The following TAF3 variants were observed in gnomAD, a reference collection of about 807,000 sequenced individuals.
TAF3 encodes transcription initiation factor TFIID subunit 3.
Under a neutral mutation model 80.6 loss-of-function variants are expected in TAF3, and 7 were observed. That is an observed-to-expected ratio of 0.09 (90% CI 0.05 to 0.16). TAF3 has a LOEUF of 0.16. TAF3 is among the 10% of genes least tolerant of loss of function. The pLI, the probability that TAF3 is intolerant of heterozygous loss-of-function variation, is 1.00. For synonymous variants in TAF3, 444 were observed against 446.1 expected (o/e 1.00, Z 0.06); for missense variants, 921 against 1,140.2 (o/e 0.81, Z 2.77).
intron 5 of TAF3, among the ~76,000 whole-genome samples, chr10:8,012,104 C>T (rs947157025): frequency 6.6e-5 from 10 of 152,006 alleles, no homozygotes; most frequent in Admixed American, 6.6e-5. Context: ...CTGAGCCTAC[C>T]GAGGTCAAGG....
intron 2 of TAF3, among the ~76,000 whole-genome samples, chr10:7,938,557 CA>C (rs1169612936): frequency 6.6e-6 from 1 of 150,930 alleles, no homozygotes; most frequent in Non-Finnish European, 1.5e-5. Context: ...GCCAGTCAGA[CA>C]AAAAAAAGAA....
chr10:7,859,083 A>G (rs946402928), intron 2 of TAF3, among the ~76,000 whole-genome samples: 3 of 152,052 alleles, frequency 2.0e-5, no homozygotes, highest in African/African-American at 4.8e-5. Context: ...TAACACGGTG[A>G]AACCCCGTCT....
chr10:8,004,716 T>C (rs1831975745), intron 4 of TAF3, among the ~76,000 whole-genome samples: 1 of 151,988 alleles, frequency 6.6e-6, no homozygotes, highest in African/African-American at 2.4e-5. Context: ...TTTTCCTCTC[T>C]ATCTATGATA....
intron 4 of TAF3, among the ~76,000 whole-genome samples, chr10:7,992,792 AAG>A (rs1193562430): frequency 1.3e-5 from 2 of 152,194 alleles, no homozygotes; most frequent in Non-Finnish European, 2.9e-5. Context: ...TCAAACATAA[AAG>A]AGTAAAATGA....
At chr10:7,846,179 G>A (rs576634938) in intron 2 of TAF3, among the ~76,000 whole-genome samples, 36 of 152,106 alleles carry the variant, frequency 2.4e-4, no homozygotes, top group African/African-American at 8.2e-4. Context: ...GGACGGTCTC[G>A]ATCTCCTGAC....
intron 2 of TAF3, among the ~76,000 whole-genome samples, chr10:7,892,543 C>T (rs1430487248): frequency 1.3e-5 from 2 of 152,162 alleles, no homozygotes; most frequent in African/African-American, 4.8e-5. Flanking sequence ...CATTTTATAT[C>T]TTTCAATATA....
At chr10:7,935,048 C>G in intron 2 of TAF3, among the ~76,000 whole-genome samples, 1 of 152,016 alleles carries the variant, frequency 6.6e-6, no homozygotes, top group South Asian at 2.1e-4. Context: ...AGGCCAAGGA[C>G]GGTGGATCAC....
At chr10:7,994,004 G>A (rs1255434705) in intron 4 of TAF3, among the ~76,000 whole-genome samples, 1 of 146,650 alleles carries the variant, frequency 6.8e-6, no homozygotes. Flanking sequence ...GTCTCTCTCT[G>A]TCTCTTTTTC....
At position 7,964,004 on chromosome 10, in the gene TAF3, A is replaced by T. The variant is rs1318768074; in HGVS notation, c.494A>T (p.Glu165Val). ...CCCTTGGAAGAAGATGATGAATTGGAGGAGGAAGAAATTATTAATGATGAG... is the reference window on the plus strand; with the variant it reads ...CCCTTGGAAGAAGATGATGAATTGGTGGAGGAAGAAATTATTAATGATGAG... Reference protein sequence around the residue: ...QVPLEEDDELEEEEIINDENF... With the variant: ...QVPLEEDDELVEEEIINDENF... The change falls in exon 3 of 7, where the codon GAG becomes GTG. Residue 165 changes from glutamate to valine, a missense_variant. This residue lies in a region of TAF3 where 743 missense variants were observed against 821.0 expected (regional missense o/e 0.90). Transcript: ENST00000344293. This position sits in a 1 kb window ranked among gnomAD's most constrained non-coding sequence, Gnocchi z 4.1. 1 of 1,614,116 alleles carries T rather than the reference A, an allele frequency of 6.2e-7. No individual in the cohort carries two copies. The highest frequency in any genetic ancestry group is 1.1e-5 in the South Asian group (1 of 91,076).
intron 2 of TAF3, among the ~76,000 whole-genome samples, chr10:7,851,851 C>T (rs867017617): frequency 7.9e-5 from 12 of 152,212 alleles, no homozygotes; most frequent in South Asian, 2.1e-4. Flanking sequence ...GTGGTACAGT[C>T]CTGGCTTGCT....
chr10:7,819,495 A>G (rs1836668394), intron 1 of TAF3, among the ~76,000 whole-genome samples: 1 of 152,180 alleles, frequency 6.6e-6, no homozygotes, highest in Non-Finnish European at 1.5e-5. Context: ...GTTACCAGTG[A>G]GATGTCAGTG....
chr10:7,846,781 A>G (rs1836977145), intron 2 of TAF3, among the ~76,000 whole-genome samples: 11 of 152,198 alleles, frequency 7.2e-5, no homozygotes, highest in Admixed American at 7.2e-4. Context: ...TGTAGGAATT[A>G]TTATCATTCA....
intron 2 of TAF3, among the ~76,000 whole-genome samples, chr10:7,880,319 A>G (rs1837348813): frequency 6.6e-6 from 1 of 152,230 alleles, no homozygotes; most frequent in African/African-American, 2.4e-5. Flanking sequence ...GAGTGCCTTC[A>G]TTTGACAGAT....
chr10:7,902,592 G>A (rs12260852), intron 2 of TAF3, among the ~76,000 whole-genome samples: 3 of 152,098 alleles, frequency 2.0e-5, no homozygotes, highest in South Asian at 2.1e-4. Flanking sequence ...ATCAGGAGGC[G>A]TATAATGTCA....
intron 2 of TAF3, among the ~76,000 whole-genome samples, chr10:7,853,431 G>T (rs1282149249): frequency 6.6e-6 from 1 of 152,110 alleles, no homozygotes; most frequent in Admixed American, 6.5e-5. Flanking sequence ...CTTTTTTATT[G>T]TCTAGACGTC....
At chr10:7,973,848 A>T (rs1458113373) in intron 3 of TAF3, among the ~76,000 whole-genome samples, 1 of 152,190 alleles carries the variant, frequency 6.6e-6, no homozygotes, top group Non-Finnish European at 1.5e-5. Context: ...TATTGGAGAC[A>T]GCCAGGCACG....
At chr10:7,881,303 C>T (rs1354392954) in intron 2 of TAF3, among the ~76,000 whole-genome samples, 2 of 151,508 alleles carry the variant, frequency 1.3e-5, no homozygotes, top group East Asian at 1.9e-4. Context: ...CACCATGTGT[C>T]GCAATACTTT....
At chr10:7,954,965 G>A (rs1239841292) in intron 2 of TAF3, among the ~76,000 whole-genome samples, 1 of 148,812 alleles carries the variant, frequency 6.7e-6, no homozygotes, top group East Asian at 2.0e-4. Context: ...GTTAACACGA[G>A]CTCTCCATAG....
chr10:7,855,399 G>A (rs1303805873), intron 2 of TAF3, among the ~76,000 whole-genome samples: 4 of 152,202 alleles, frequency 2.6e-5, no homozygotes, highest in Admixed American at 2.6e-4. Context: ...ATGGCATCCT[G>A]AAAACAAGGG....
Sources: gnomAD v4.1 joint callset for allele counts (sites outside exome capture counted in the v4.1 genomes callset) on GRCh38, gnomAD v4.1.1 for gene constraint, gnomAD v4.1.1 regional missense constraint, Gnocchi (gnomAD v3.1) non-coding constraint, MANE v1.5 for transcripts, NCBI Gene and HGNC (gene_info 2026-07-23, HGNC 2026-07-21) for gene names.